The following GULP1 variants were observed in gnomAD, a reference collection of about 807,000 sequenced individuals.
GULP1 encodes the protein PTB domain-containing engulfment adapter protein 1.
Under a neutral mutation model 40.9 loss-of-function variants are expected in GULP1, and 19 were observed. The observed-to-expected ratio is 0.46, with a 90% CI of 0.32 to 0.68. GULP1 has a LOEUF of 0.68. GULP1 is among the 30% of genes least tolerant of loss of function. The pLI, the probability that GULP1 is intolerant of heterozygous loss-of-function variation, is 0.03. For missense variants in GULP1, 312 were observed against 362.2 expected (o/e 0.86, Z 1.12); for synonymous variants, 119 against 117.6 (o/e 1.01, Z -0.08).
chr2:188,300,203 T>G (rs776930469), intron 1 of GULP1, among the ~76,000 whole-genome samples: 1 of 152,312 alleles, frequency 6.6e-6, no homozygotes, highest in Admixed American at 6.5e-5. Context: ...AAAAAAATTT[T>G]TAATCACAGC....
At chr2:188,378,802 C>T (rs898075596) in intron 1 of GULP1, among the ~76,000 whole-genome samples, 2 of 152,088 alleles carry the variant, frequency 1.3e-5, no homozygotes, top group Non-Finnish European at 2.9e-5. Flanking sequence ...CTAAGTCCCA[C>T]GTTTAACATT....
At chr2:188,532,878 G>C (rs796833713) in intron 6 of GULP1, among the ~76,000 whole-genome samples, 3 of 151,998 alleles carry the variant, frequency 2.0e-5, no homozygotes, top group African/African-American at 7.2e-5. Context: ...CCAAGATCGC[G>C]CCACTGCACT....
At chr2:188,466,545 C>A (rs879376772) in intron 2 of GULP1, 1 of 151,798 alleles carries the variant, frequency 6.6e-6, no homozygotes, top group African/African-American at 2.4e-5. Context: ...CCTGCCTCGG[C>A]CTCCCAAAGT....
chr2:188,352,618 T>TCTCTCACACACACACACA (rs578003996), intron 1 of GULP1, among the ~76,000 whole-genome samples: 4 of 134,498 alleles, frequency 3.0e-5, no homozygotes, highest in South Asian at 2.5e-4. Flanking sequence ...TCTCTCTCTC[T>TCTCTCACACACACACACA]CACACACACA....
At chr2:188,523,509 C>A (rs768090934) in intron 5 of GULP1, among the ~76,000 whole-genome samples, 33 of 152,130 alleles carry the variant, frequency 2.2e-4, no homozygotes, top group Non-Finnish European at 3.4e-4. Context: ...AAAACTCCTT[C>A]AACAGAATTC....
At chr2:188,415,481 G>A (rs2054457656) in intron 2 of GULP1, among the ~76,000 whole-genome samples, 1 of 151,660 alleles carries the variant, frequency 6.6e-6, no homozygotes, top group Non-Finnish European at 1.5e-5. Flanking sequence ...TGGAGAGTGT[G>A]CCACTTACTC....
intron 4 of GULP1, among the ~76,000 whole-genome samples, chr2:188,507,741 A>G (rs2064079365): frequency 6.6e-6 from 1 of 152,002 alleles, no homozygotes; most frequent in Admixed American, 6.6e-5. Flanking sequence ...TTAATAAATG[A>G]AACTACATAG....
intron 2 of GULP1, among the ~76,000 whole-genome samples, chr2:188,454,614 T>C (rs2059109895): frequency 6.6e-6 from 1 of 152,158 alleles, no homozygotes; most frequent in African/African-American, 2.4e-5. Context: ...CCTCTGTCAG[T>C]AGATCAGGAT....
intron 1 of GULP1, among the ~76,000 whole-genome samples, chr2:188,308,745 A>G (rs1485917836): frequency 2.6e-5 from 4 of 152,210 alleles, no homozygotes; most frequent in Non-Finnish European, 5.9e-5. Context: ...TTGCTAGTAA[A>G]GGGTCTTGAG....
At chr2:188,443,196 G>T (rs2058085926) in intron 2 of GULP1, among the ~76,000 whole-genome samples, 1 of 152,070 alleles carries the variant, frequency 6.6e-6, no homozygotes, top group African/African-American at 2.4e-5. Flanking sequence ...CTGTGGGGGT[G>T]GGGGTTGGCG....
At chr2:188,574,255 ATAT>A (rs1192284614) in intron 9 of GULP1, among the ~76,000 whole-genome samples, 1 of 152,176 alleles carries the variant, frequency 6.6e-6, no homozygotes, top group Non-Finnish European at 1.5e-5. Context: ...ACTATTATAG[ATAT>A]TATTTTATTT....
intron 2 of GULP1, among the ~76,000 whole-genome samples, chr2:188,411,149 C>T (rs958033958): frequency 2.6e-5 from 4 of 152,132 alleles, no homozygotes; most frequent in African/African-American, 9.7e-5. Flanking sequence ...CTCTTTACAG[C>T]ACCCTTCTTG....
intron 2 of GULP1, among the ~76,000 whole-genome samples, chr2:188,396,243 T>G (rs2051245129): frequency 6.6e-6 from 1 of 152,218 alleles, no homozygotes; most frequent in South Asian, 2.1e-4. Flanking sequence ...AATTTCTGTC[T>G]TTCATGTTAA....
chr2:188,359,314 C>A (rs2045780889), intron 1 of GULP1, among the ~76,000 whole-genome samples: 1 of 152,086 alleles, frequency 6.6e-6, no homozygotes, highest in Non-Finnish European at 1.5e-5. Flanking sequence ...GATGTAGTCA[C>A]TGATAATTAT....
intron 1 of GULP1, among the ~76,000 whole-genome samples, chr2:188,320,014 A>G (rs1358561228): frequency 6.6e-6 from 1 of 152,124 alleles, no homozygotes; most frequent in African/African-American, 2.4e-5. Flanking sequence ...ATGTTAAGCA[A>G]CATCCCTGGC....
At chr2:188,516,439 T>G (rs2065181040) in intron 4 of GULP1, among the ~76,000 whole-genome samples, 1 of 152,164 alleles carries the variant, frequency 6.6e-6, no homozygotes, top group Non-Finnish European at 1.5e-5. Flanking sequence ...CTCTAGTGCT[T>G]TGATGGTAAG....
intron 7 of GULP1, among the ~76,000 whole-genome samples, chr2:188,542,968 T>C (rs1457624869): frequency 2.0e-5 from 3 of 152,154 alleles, no homozygotes; most frequent in African/African-American, 7.2e-5. Context: ...CAGAGTTCAT[T>C]CTAAATATTG....
At chr2:188,415,207 TA>T (rs918377635) in intron 2 of GULP1, among the ~76,000 whole-genome samples, 13 of 152,150 alleles carry the variant, frequency 8.5e-5, no homozygotes, top group South Asian at 8.3e-4. Flanking sequence ...GGGGTGCATT[TA>T]AGGAAACTAC....
chr2:188,481,857 G>C lies in GULP1; in HGVS notation c.29-1574G>C, dbSNP rs549408975. ...TTTGTGTTTTATTGCCTTGGAAGAAGTATTGTGATTTACTTCTTTTAATGT... is the reference window on the plus strand; with the variant it reads ...TTTGTGTTTTATTGCCTTGGAAGAACTATTGTGATTTACTTCTTTTAATGT... On this transcript the variant is annotated intron_variant, in intron 3 of 11. Transcript: ENST00000409830. Among the ~76,000 whole-genome samples, 21 of 151,992 alleles carry C rather than the reference G, an allele frequency of 1.4e-4. 1 individual carries two copies. The South Asian group carries it at 4.4e-3, about 31-fold the overall frequency.
Sources: gnomAD v4.1 joint callset for allele counts (sites outside exome capture counted in the v4.1 genomes callset) on GRCh38, gnomAD v4.1.1 for gene constraint, MANE v1.5 for transcripts, NCBI Gene and HGNC (gene_info 2026-07-23, HGNC 2026-07-21) for gene names.